The following CADM1 variants were observed in gnomAD, a reference collection of about 807,000 sequenced individuals.
CADM1 encodes the protein TSLC-1.
Under a neutral mutation model 53.1 loss-of-function variants are expected in CADM1, and 15 were observed. The ratio of observed to expected loss-of-function variants is 0.28; its 90% CI spans 0.19 to 0.44. The LOEUF (loss-of-function observed/expected upper bound fraction) is 0.44, where lower values mean the gene tolerates loss of function less well. Ranked by LOEUF, CADM1 falls within the 20% of genes least tolerant of loss-of-function variation. The pLI, the probability that CADM1 is intolerant of heterozygous loss-of-function variation, is 1.00. For synonymous variants in CADM1, 281 were observed against 243.0 expected, an observed-to-expected ratio of 1.16 and a Z score of -1.45; for missense variants, 434 against 611.3, an observed-to-expected ratio of 0.71 and a Z score of 3.06.
chr11:115,240,585 A>C (rs2269737), intron 1 of CADM1, among the ~76,000 whole-genome samples, 165 bp from the exon 2 acceptor site: 27,619 of 152,150 alleles, frequency 0.18, 2,784 homozygotes, highest in South Asian at 0.34. Flanking sequence ...CGAGTCTGTT[A>C]ATCGAAGACA....
chr11:115,273,293 T>C (rs555790350), intron 1 of CADM1, among the ~76,000 whole-genome samples: 37 of 152,356 alleles, frequency 2.4e-4, no homozygotes, highest in Non-Finnish European at 4.6e-4. Flanking sequence ...AGATAAAGAA[T>C]GTCTATACTA....
chr11:115,498,311 A>T (rs1949664579), intron 1 of CADM1, among the ~76,000 whole-genome samples: 1 of 152,214 alleles, frequency 6.6e-6, no homozygotes, highest in Admixed American at 6.5e-5. Context: ...ATGGAAAGAG[A>T]CATTTTTATT....
intron 1 of CADM1, among the ~76,000 whole-genome samples, chr11:115,449,304 A>G (rs1948519816): frequency 6.6e-6 from 1 of 152,210 alleles, no homozygotes. Context: ...TGAGCAATAC[A>G]TTTTGCCAAT....
At chr11:115,397,705 A>T (rs1198608365) in intron 1 of CADM1, 1 of 15,586 alleles carries the variant, frequency 6.4e-5, no homozygotes, top group Non-Finnish European at 1.1e-4. Context: ...GACAATAGAG[A>T]CATTGTACTC....
intron 1 of CADM1, among the ~76,000 whole-genome samples, chr11:115,333,311 A>T (rs1945180033): frequency 1.3e-5 from 2 of 152,204 alleles, no homozygotes; most frequent in Non-Finnish European, 2.9e-5. Flanking sequence ...GATGAAGCAC[A>T]AAACCACTTA....
chr11:115,305,803 C>T (rs1403838683), intron 1 of CADM1, among the ~76,000 whole-genome samples: 2 of 149,858 alleles, frequency 1.3e-5, no homozygotes, highest in Non-Finnish European at 3.0e-5. Context: ...AGAAACAGAC[C>T]AGCCAGTCAT....
intron 1 of CADM1, among the ~76,000 whole-genome samples, chr11:115,285,375 C>T (rs960093714): frequency 6.6e-6 from 1 of 152,178 alleles, no homozygotes; most frequent in African/African-American, 2.4e-5. Flanking sequence ...ACTTTAGATA[C>T]ATTAGTTCAT....
chr11:115,390,024 T>G (rs1217094907), intron 1 of CADM1, among the ~76,000 whole-genome samples: 1 of 152,072 alleles, frequency 6.6e-6, no homozygotes, highest in Admixed American at 6.6e-5. Flanking sequence ...AAGTGGTACT[T>G]ATTTAGAGTT....
chr11:115,270,091 T>TTTA lies in CADM1; in HGVS notation c.125-29674_125-29672dup, dbSNP rs772557629. ...AAATACATCCCAAAAGGGACATGCA[T>TTTA]TTAAGTAGCACAGCAGGCCAGTATG... On this transcript the variant is annotated intron_variant, in intron 1 of 11. Transcript: ENST00000331581. Among the ~76,000 whole-genome samples the TTTA allele has an allele frequency of 5.9e-5, 9 of 152,312 alleles. No homozygotes were observed. In the South Asian group the frequency reaches 1.9e-3, roughly 32 times the overall value.
intron 10 of CADM1, among the ~76,000 whole-genome samples, chr11:115,185,526 G>A (rs1421839189): frequency 6.6e-6 from 1 of 152,104 alleles, no homozygotes; most frequent in Admixed American, 6.5e-5. Context: ...GAAAACAAGT[G>A]TTTTGGGTTT....
chr11:115,367,937 T>C (rs1297046739), intron 1 of CADM1, among the ~76,000 whole-genome samples: 3 of 152,050 alleles, frequency 2.0e-5, no homozygotes, highest in Non-Finnish European at 4.4e-5. Context: ...AGACTGAGAT[T>C]GAAATGGTTA....
chr11:115,173,964 C>T lies in CADM1; in HGVS notation c.*2510G>A. ...AGTGATCAACCTGTACAAAGTAATACTCAACAATACATTTCAAACAGTGCA... is the reference window on the plus strand; with the variant it reads ...AGTGATCAACCTGTACAAAGTAATATTCAACAATACATTTCAAACAGTGCA... On this transcript the variant is annotated 3_prime_UTR_variant, in exon 12 of 12. Transcript: ENST00000331581. The T allele has an allele frequency of 1.0e-6, 1 of 962,664 alleles. No individual in the cohort carries two copies. The highest frequency in any genetic ancestry group is 1.2e-6 in the Non-Finnish European group (1 of 809,292). The allele number at this position is 962,664 out of a possible 1,614,324, so 59.6% of individuals were successfully genotyped here.
chr11:115,427,046 TA>T (rs531793235), intron 1 of CADM1, among the ~76,000 whole-genome samples: 1 of 152,050 alleles, frequency 6.6e-6, no homozygotes, highest in Non-Finnish European at 1.5e-5. Context: ...CTCTGTTCAT[TA>T]AAAAAAGCAA....
chr11:115,335,239 T>C (rs1945237708), intron 1 of CADM1, among the ~76,000 whole-genome samples: 1 of 152,136 alleles, frequency 6.6e-6, no homozygotes, highest in African/African-American at 2.4e-5. Flanking sequence ...TAAAGAATCT[T>C]ATGAATCCAC....
chr11:115,433,797 G>A (rs1405016411), intron 1 of CADM1, among the ~76,000 whole-genome samples: 1 of 152,164 alleles, frequency 6.6e-6, no homozygotes, highest in East Asian at 1.9e-4. Flanking sequence ...GTGCAAACAC[G>A]TCGGCTGGTT....
intron 1 of CADM1, among the ~76,000 whole-genome samples, chr11:115,360,896 A>G (rs1353837186): frequency 6.6e-6 from 1 of 152,216 alleles, no homozygotes; most frequent in Admixed American, 6.5e-5. Context: ...ATTTTAACTG[A>G]ACACTAGGAT....
intron 1 of CADM1, among the ~76,000 whole-genome samples, chr11:115,459,143 A>C (rs1352379459): frequency 6.6e-6 from 1 of 152,178 alleles, no homozygotes; most frequent in Non-Finnish European, 1.5e-5. Flanking sequence ...TTATAACTGC[A>C]ATAATGAATG....
In CADM1 at chr11:115,413,644, C is replaced by CTTTTTTTTTTTTTTTTTTTTTTTT. The variant is rs71066424; in HGVS notation, c.124+90626_124+90627insAAAAAAAAAAAAAAAAAAAAAAAA. ...CAGGGAGTGTGGCTCCAGCTCAGTT[C>CTTTTTTTTTTTTTTTTTTTTTTTT]TTTTTTTTTTTTTTCTCTGAGACAG... is the stretch of plus-strand genomic sequence containing the variant. On this transcript the variant is annotated intron_variant, in intron 1 of 11. Coordinates refer to ENST00000331581, the MANE Select transcript of CADM1 (RefSeq NM_001301043.2). Among the ~76,000 whole-genome samples the CTTTTTTTTTTTTTTTTTTTTTTTT allele has an allele frequency of 4.1e-5, 5 of 120,912 alleles. 1 individual carries two copies. Among genetic ancestry groups the CTTTTTTTTTTTTTTTTTTTTTTTT allele is most frequent in the Admixed American group, 8.2e-5 (1 of 12,196 alleles). The allele number at this position is 120,912 out of a possible 152,430, so 79.3% of individuals were successfully genotyped here. A position where few individuals can be genotyped will look rare whatever the true frequency, so the allele number is the denominator to read the frequency against.
chr11:115,200,502 C>CT (rs1002566975), intron 8 of CADM1, among the ~76,000 whole-genome samples: 167 of 150,876 alleles, frequency 1.1e-3, no homozygotes, highest in Middle Eastern at 3.4e-3. Flanking sequence ...CTTTTCTTTT[C>CT]TTTTTTTTTT....
Sources: gnomAD v4.1 joint callset for allele counts (sites outside exome capture counted in the v4.1 genomes callset) on GRCh38, gnomAD v4.1.1 for gene constraint, MANE v1.5 for transcripts, NCBI Gene and HGNC (gene_info 2026-07-23, HGNC 2026-07-21) for gene names.